The following TMEM132D variants were observed in gnomAD, a reference collection of about 807,000 sequenced individuals.
The protein encoded by TMEM132D is transmembrane protein 132D.
Under a neutral mutation model 62.3 loss-of-function variants are expected in TMEM132D, and 21 were observed. The observed-to-expected ratio is 0.34, with a 90% CI of 0.24 to 0.49. The LOEUF (loss-of-function observed/expected upper bound fraction) is 0.49. Among genes scored for constraint, TMEM132D ranks in the 20% least tolerant of loss-of-function variants. TMEM132D has a pLI of 0.99. For synonymous variants in TMEM132D, 621 were observed against 575.6 expected (o/e 1.08, Z -1.13); for missense variants, 1,346 against 1,402.8 (o/e 0.96, Z 0.65).
At chr12:129,275,845 T>C (rs1880991023) in intron 4 of TMEM132D, among the ~76,000 whole-genome samples, 1 of 151,954 alleles carries the variant, frequency 6.6e-6, no homozygotes, top group South Asian at 2.1e-4. Flanking sequence ...ACGTTTGGGG[T>C]CTTGACATTT....
At chr12:129,659,407 G>C (rs925587028) in intron 2 of TMEM132D, among the ~76,000 whole-genome samples, 11 of 152,150 alleles carry the variant, frequency 7.2e-5, no homozygotes, top group African/African-American at 2.7e-4. Flanking sequence ...TTCCTCAAAT[G>C]TCTGGCAGGA....
At chr12:129,613,577 G>A (rs534513482) in intron 2 of TMEM132D, among the ~76,000 whole-genome samples, 13 of 152,336 alleles carry the variant, frequency 8.5e-5, no homozygotes, top group South Asian at 2.1e-4. Context: ...AAACTATGCA[G>A]GAGGCTGCAA....
chr12:129,075,114 CA>C, intron 8 of TMEM132D, 55 bp from the exon 9 acceptor site: 1 of 1,474,254 alleles, frequency 6.8e-7, no homozygotes, highest in Non-Finnish European at 9.2e-7. Flanking sequence ...CATTGAGCCC[CA>C]AGTCTTAGTA....
At chr12:129,613,210 T>C (rs1320597101) in intron 2 of TMEM132D, among the ~76,000 whole-genome samples, 1 of 152,152 alleles carries the variant, frequency 6.6e-6, no homozygotes, top group East Asian at 1.9e-4. Flanking sequence ...GTCACTGCCT[T>C]GGTTTAGGTT....
At chr12:129,722,520 A>G (rs935834) in intron 1 of TMEM132D, among the ~76,000 whole-genome samples, 124,974 of 152,066 alleles carry the variant, frequency 0.82, 51,967 homozygotes, top group Non-Finnish European at 0.9. Context: ...CTGTCTCTGG[A>G]TTGGGATTCT....
At chr12:129,739,716 G>A (rs1311654015) in intron 1 of TMEM132D, among the ~76,000 whole-genome samples, 1 of 152,134 alleles carries the variant, frequency 6.6e-6, no homozygotes, top group Non-Finnish European at 1.5e-5. Context: ...TGCACCAACT[G>A]GGCTTCCTCA....
chr12:129,379,627 A>G (rs531859338), intron 3 of TMEM132D, among the ~76,000 whole-genome samples: 88 of 152,272 alleles, frequency 5.8e-4, no homozygotes, highest in African/African-American at 2.0e-3. Context: ...TGGTGCTGTC[A>G]CTGGGCAACT....
intron 1 of TMEM132D, among the ~76,000 whole-genome samples, chr12:129,855,438 C>T (rs1453999528): frequency 6.3e-5 from 1 of 15,884 alleles, no homozygotes; most frequent in African/African-American, 2.5e-4. Flanking sequence ...GGGATGGGTG[C>T]CCTTATAACA....
At position 129,621,585 on chromosome 12, in the gene TMEM132D, G is replaced by A. The variant is rs148293951; in HGVS notation, c.968+78225C>T. Reference sequence around the variant, plus strand: ...TCTCTCCCCACTCCTCTGCCTTGGTGTCCAAATAAAGTGAGTGAATGCTTA... The same window carrying A: ...TCTCTCCCCACTCCTCTGCCTTGGTATCCAAATAAAGTGAGTGAATGCTTA... On this transcript the variant is annotated intron_variant, in intron 2 of 8. Coordinates refer to ENST00000422113, the MANE Select transcript of TMEM132D (RefSeq NM_133448.3). 3.8e-3 allele frequency among the ~76,000 whole-genome samples: 584 copies of A among 152,292 alleles called. 1 individual carries two copies. The highest frequency in any genetic ancestry group is 6.0e-3 in the Non-Finnish European group (408 of 68,026).
chr12:129,741,181 A>G (rs1298815081), intron 1 of TMEM132D, among the ~76,000 whole-genome samples: 1 of 152,230 alleles, frequency 6.6e-6, no homozygotes, highest in African/African-American at 2.4e-5. Context: ...GTAGCAGGAT[A>G]CCATTTTTGA....
At chr12:129,792,055 A>T (rs1871415804) in intron 1 of TMEM132D, among the ~76,000 whole-genome samples, 1 of 152,190 alleles carries the variant, frequency 6.6e-6, no homozygotes, top group African/African-American at 2.4e-5. Context: ...TTGACATCTC[A>T]GGGGGCCATT....
At chr12:129,473,917 A>G (rs1874180200) in intron 3 of TMEM132D, among the ~76,000 whole-genome samples, 1 of 152,222 alleles carries the variant, frequency 6.6e-6, no homozygotes, top group Non-Finnish European at 1.5e-5. Flanking sequence ...TTCATTAAAT[A>G]CACATTTTTG....
intron 4 of TMEM132D, among the ~76,000 whole-genome samples, chr12:129,311,184 C>T (rs1390945076): frequency 4.5e-5 from 3 of 66,386 alleles, no homozygotes; most frequent in Admixed American, 3.3e-4. Context: ...GGCGACAGAG[C>T]GAGACTCCGT....
chr12:129,075,341 G>GTGT (rs1169729288), intron 8 of TMEM132D, among the ~76,000 whole-genome samples: 2 of 150,136 alleles, frequency 1.3e-5, no homozygotes, highest in Non-Finnish European at 3.0e-5. Context: ...TCTCCTGTAG[G>GTGT]TGTTGTTATA....
intron 5 of TMEM132D, among the ~76,000 whole-genome samples, chr12:129,204,086 G>A (rs1245599018): frequency 6.6e-6 from 1 of 152,124 alleles, no homozygotes; most frequent in East Asian, 1.9e-4. Context: ...AAATGAGAAA[G>A]AGCAAACACA....
intron 4 of TMEM132D, among the ~76,000 whole-genome samples, chr12:129,311,608 T>C (rs571822850): frequency 6.6e-6 from 1 of 152,070 alleles, no homozygotes; most frequent in Non-Finnish European, 1.5e-5. Flanking sequence ...TAATTTCAAG[T>C]AATTAAAGGC....
chr12:129,440,592 T>C (rs966567104), intron 3 of TMEM132D, among the ~76,000 whole-genome samples: 1 of 152,208 alleles, frequency 6.6e-6, no homozygotes, highest in African/African-American at 2.4e-5. Context: ...TAAGAGGTTA[T>C]TGGGTTTGGA....
intron 5 of TMEM132D, among the ~76,000 whole-genome samples, chr12:129,154,854 G>A (rs188613659): frequency 6.6e-6 from 1 of 152,150 alleles, no homozygotes; most frequent in East Asian, 1.9e-4. Context: ...GCTTTTAGTT[G>A]CCAATTGCTT....
At chr12:129,278,507 G>A (rs1278206344) in intron 4 of TMEM132D, among the ~76,000 whole-genome samples, 1 of 151,988 alleles carries the variant, frequency 6.6e-6, no homozygotes. Flanking sequence ...TCTTGCATCC[G>A]GGTCTCAGCC....
Sources: gnomAD v4.1 joint callset for allele counts (sites outside exome capture counted in the v4.1 genomes callset) on GRCh38, gnomAD v4.1.1 for gene constraint, MANE v1.5 for transcripts, NCBI Gene and HGNC (gene_info 2026-07-23, HGNC 2026-07-21) for gene names.